The following SDHC variants were observed in gnomAD, a reference collection of about 807,000 sequenced individuals.
SDHC encodes the protein succinate dehydrogenase cytochrome b560 subunit, mitochondrial.
A neutral mutation model predicts 22.6 loss-of-function variants in SDHC; 11 were observed. The observed-to-expected ratio is 0.49, with a 90% CI of 0.31 to 0.81. SDHC has a LOEUF of 0.81. SDHC is among the 30% of genes least tolerant of loss of function. SDHC has a pLI of 0.05. For missense variants in SDHC, 160 were observed against 212.0 expected, an observed-to-expected ratio of 0.75 and a Z score of 1.52; for synonymous variants, 80 against 77.8, an observed-to-expected ratio of 1.03 and a Z score of -0.15.
At chr1:161,319,388 A>G (rs1179499491) in intron 1 of SDHC, among the ~76,000 whole-genome samples, 1 of 152,042 alleles carries the variant, frequency 6.6e-6, no homozygotes, top group Admixed American at 6.5e-5. Context: ...AGGCAGATAT[A>G]GCAAGTAAGG....
intron 1 of SDHC, among the ~76,000 whole-genome samples, chr1:161,315,600 A>T (rs1354449533): frequency 6.6e-6 from 1 of 152,218 alleles, no homozygotes; most frequent in Non-Finnish European, 1.5e-5. Context: ...TATTGGTTCC[A>T]AACAGTTCAT....
intron 4 of SDHC, among the ~76,000 whole-genome samples, chr1:161,341,936 ATTTGGTGAAT>A (rs1273312791): frequency 6.6e-6 from 1 of 152,160 alleles, no homozygotes; most frequent in Non-Finnish European, 1.5e-5. Context: ...TTTAGTAAAT[ATTTGGTGAAT>A]ACAAAATGAA....
chr1:161,361,842 CAAAAAAA>C (rs35337467), intron 5 of SDHC, among the ~76,000 whole-genome samples: 1 of 54,836 alleles, frequency 1.8e-5, no homozygotes, highest in Non-Finnish European at 3.4e-5. Context: ...GAGTCCGTCT[CAAAAAAA>C]AAAAAAAAAA....
At chr1:161,351,455 A>G (rs1672093654) in intron 4 of SDHC, among the ~76,000 whole-genome samples, 1 of 152,202 alleles carries the variant, frequency 6.6e-6, no homozygotes, top group African/African-American at 2.4e-5. Context: ...TAAATACTAT[A>G]TTTGAAATTC....
intron 4 of SDHC, among the ~76,000 whole-genome samples, chr1:161,349,106 A>T (rs1558179335): frequency 6.6e-6 from 1 of 152,198 alleles, no homozygotes; most frequent in African/African-American, 2.4e-5. Flanking sequence ...ATGTATCTGT[A>T]TATGAATTGT....
At chr1:161,351,126 C>T (rs1672084434) in intron 4 of SDHC, among the ~76,000 whole-genome samples, 1 of 152,148 alleles carries the variant, frequency 6.6e-6, no homozygotes, top group African/African-American at 2.4e-5. Context: ...CGTGTGATTC[C>T]GGTTTATCCA....
chr1:161,323,275 G>C (rs1295119733), intron 1 of SDHC, among the ~76,000 whole-genome samples: 1 of 152,012 alleles, frequency 6.6e-6, no homozygotes, highest in Non-Finnish European at 1.5e-5. Context: ...TGGGATTACA[G>C]GTGTGAGCCA....
Position 161,362,346 on chromosome 1 carries a change from A to G in SDHC, c.423A>G (p.Lys141=), listed in dbSNP as rs2102385065. ...GIRHLMWDLG[K]GLKIPQLYQS... is the part of the protein sequence containing the mutation. ...GTCCACAGATGTGGGACCTAGGAAA[A>G]GGCCTGAAGATTCCCCAGCTATACC... The change falls in exon 6 of 6, where the codon AAA becomes AAG. Residue 141 remains lysine (K), a synonymous_variant. Coordinates refer to ENST00000367975, the MANE Select transcript of SDHC (RefSeq NM_003001.5). 1.2e-6 allele frequency: 2 copies of G among 1,613,480 alleles called. No individual in the cohort carries two copies. The highest frequency in any genetic ancestry group is 1.7e-4 in the Middle Eastern group (1 of 6,010).
chr1:161,362,091 C>T (rs1179546853), intron 5 of SDHC, among the ~76,000 whole-genome samples: 13 of 152,010 alleles, frequency 8.6e-5, no homozygotes. Context: ...GAGAACATTC[C>T]TCCTACCATC....
intron 1 of SDHC, among the ~76,000 whole-genome samples, chr1:161,317,324 G>A (rs560131550): frequency 2.0e-5 from 3 of 151,608 alleles, no homozygotes; most frequent in Non-Finnish European, 4.4e-5. Flanking sequence ...CACAACGCTT[G>A]GCCTTTATTT....
Position 161,363,128 on chromosome 1 carries a change from T to A in SDHC, c.*695T>A, listed in dbSNP as rs1256186736. ...TTTCCAGAAAAGCCTCTTAATTTTA[T>A]GCTTTCTCATCGAAGTAATGTACCC... On this transcript the variant is annotated 3_prime_UTR_variant, in exon 6 of 6. Coordinates refer to ENST00000367975, the MANE Select transcript of SDHC (RefSeq NM_003001.5). 2 of 234,878 alleles carry A rather than the reference T, an allele frequency of 8.5e-6. No individual in the cohort carries two copies. The highest frequency in any genetic ancestry group is 5.5e-5 in the Admixed American group (1 of 18,130). 14.5% of individuals were successfully genotyped at this position (234,878 alleles called of 1,614,324 possible). A position where few individuals can be genotyped will look rare whatever the true frequency, so the allele number is the denominator to read the frequency against.
chr1:161,345,656 C>A lies in SDHC; in HGVS notation c.241+5001C>A, dbSNP rs902386457. On this transcript the variant is annotated intron_variant, in intron 4 of 5. Coordinates refer to ENST00000367975, the MANE Select transcript of SDHC (RefSeq NM_003001.5). ...TATTTTTAGTAGAGACAGGGTTTCA[C>A]CATGTTAGCCAGGATGGTCTCGATC... Among the ~76,000 whole-genome samples, 9 of 152,134 alleles carry A rather than the reference C, an allele frequency of 5.9e-5. No homozygotes were observed. The South Asian group carries it at 1.7e-3, about 28-fold the overall frequency.
chr1:161,360,542 TGA>T (rs146232254), intron 5 of SDHC, among the ~76,000 whole-genome samples: 9,989 of 141,906 alleles, frequency 0.07, 480 homozygotes, highest in Non-Finnish European at 0.11. Context: ...GGTGACAAAG[TGA>T]GACCCTGTCT....
chr1:161,349,526 C>G (rs1304456246), intron 4 of SDHC, among the ~76,000 whole-genome samples: 1 of 152,050 alleles, frequency 6.6e-6, no homozygotes, highest in Non-Finnish European at 1.5e-5. Flanking sequence ...AGAATCAGAA[C>G]TTTTGTGAGA....
rs575951771 is a variant in SDHC at position 161,344,158 on chromosome 1, C to T, written c.241+3503C>T. ...AAAAAAAAATAGCCGGGCATGGTGG[C>T]GGGCACCTGTAGTCCCAGCTGCTTG... On this transcript the variant is annotated intron_variant, in intron 4 of 5. Coordinates refer to ENST00000367975, the MANE Select transcript of SDHC (RefSeq NM_003001.5). Among the ~76,000 whole-genome samples the T allele has an allele frequency of 3.4e-3, 520 of 152,180 alleles. 2 individuals carry two copies. Among genetic ancestry groups the T allele is most frequent in the South Asian group, 7.1e-3 (34 of 4,820 alleles).
chr1:161,330,858 G>T (rs991158626), intron 3 of SDHC, among the ~76,000 whole-genome samples: 1 of 151,990 alleles, frequency 6.6e-6, no homozygotes, highest in African/African-American at 2.4e-5. Flanking sequence ...AAATTAGCCA[G>T]GTGTGGTGGT....
chr1:161,334,112 A>C (rs1571860022), intron 3 of SDHC, among the ~76,000 whole-genome samples: 1 of 152,242 alleles, frequency 6.6e-6, no homozygotes, highest in East Asian at 1.9e-4. Context: ...AGGTGTTGGC[A>C]GGGCTCTGTT....
At chr1:161,319,054 C>T (rs191668923) in intron 1 of SDHC, among the ~76,000 whole-genome samples, 123 of 151,724 alleles carry the variant, frequency 8.1e-4, no homozygotes, top group African/African-American at 2.6e-3. Context: ...CAAAAACAAA[C>T]AAAAAACAGA....
intron 1 of SDHC, among the ~76,000 whole-genome samples, chr1:161,319,410 A>G (rs1361852830): frequency 6.6e-6 from 1 of 151,322 alleles, no homozygotes; most frequent in Non-Finnish European, 1.5e-5. Context: ...TAAAGAAGTG[A>G]TCTTGCTATC....
Sources: gnomAD v4.1 joint callset for allele counts (sites outside exome capture counted in the v4.1 genomes callset) on GRCh38, gnomAD v4.1.1 for gene constraint, MANE v1.5 for transcripts, NCBI Gene and HGNC (gene_info 2026-07-23, HGNC 2026-07-21) for gene names.